Variants in SULF2 observed in about 807,000 individuals in gnomAD.
SULF2 encodes extracellular sulfatase Sulf-2.
A neutral mutation model predicts 107.7 loss-of-function variants in SULF2; 52 were observed. The ratio of observed to expected loss-of-function variants is 0.48; its 90% confidence interval spans 0.39 to 0.61. SULF2 has a LOEUF of 0.61. Ranked by LOEUF, SULF2 falls within the 20% of genes least tolerant of loss-of-function variation. The probability of loss-of-function intolerance (pLI) is 0.00; values close to 1 mark genes in which losing one functional copy is unlikely to be tolerated. For missense variants in SULF2, 993 were observed against 1,177.3 expected (o/e 0.84, Z 2.29); for synonymous variants, 460 against 464.3 (o/e 0.99, Z 0.12).
chr20:47,741,892 A>G (rs2089891781), intron 2 of SULF2, among the ~76,000 whole-genome samples: 2 of 152,248 alleles, frequency 1.3e-5, no homozygotes, highest in African/African-American at 4.8e-5. Flanking sequence ...AACAGTGAAC[A>G]GCCTCCAGAA....
intron 20 of SULF2, 40 bp from the exon 21 acceptor site, chr20:47,658,432 A>G (rs1034436374): frequency 4.4e-6 from 7 of 1,608,108 alleles, no homozygotes; most frequent in Non-Finnish European, 5.1e-6. Context: ...CTTAGCTATC[A>G]TGGTCTTTAT....
chr20:47,773,222 T>A (rs1405115356), intron 1 of SULF2, among the ~76,000 whole-genome samples: 1 of 152,178 alleles, frequency 6.6e-6, no homozygotes, highest in Non-Finnish European at 1.5e-5. Context: ...TCTGTCCTCA[T>A]GGAGCTGTGA....
chr20:47,717,536 A>G (rs1211317290), intron 3 of SULF2, among the ~76,000 whole-genome samples: 1 of 152,306 alleles, frequency 6.6e-6, no homozygotes, highest in African/African-American at 2.4e-5. Context: ...GACACACACA[A>G]ATGGGACTCA....
chr20:47,683,268 T>G, intron 6 of SULF2, 99 bp from the exon 7 acceptor site: 1 of 1,236,706 alleles, frequency 8.1e-7, no homozygotes, highest in East Asian at 2.5e-5. Flanking sequence ...GCCCCGTCCC[T>G]CCCCTGCTTC....
Position 47,683,052 on chromosome 20 carries a change from CAT to C in SULF2, c.1004_1005del (p.Tyr335Ter). The C allele has an allele frequency of 6.2e-7, 1 of 1,613,660 alleles. No individual in the cohort carries two copies. The highest frequency in any genetic ancestry group is 8.5e-7 in the Non-Finnish European group (1 of 1,179,918). ...TAGAACGGGACCCTGATGTCAAACT[CAT>C]ATGGCATGGATTTCCCTTTCACCAG... ...FGLVKGKSMP[Y>X]EFDIRVPFYV... On this transcript the variant is annotated frameshift_variant, in exon 7 of 21. Transcript: ENST00000688720. LOFTEE classifies it high-confidence loss of function.
chr20:47,757,415 T>A lies in SULF2; in HGVS notation c.-52A>T. 1 of 1,514,004 alleles carries A rather than the reference T, an allele frequency of 6.6e-7. No homozygotes were observed. The highest frequency in any genetic ancestry group is 8.9e-7 in the Non-Finnish European group (1 of 1,122,452). The allele number at this position is 1,514,004 out of a possible 1,614,324, so 93.8% of individuals were successfully genotyped here. On this transcript the variant is annotated 5_prime_UTR_variant, in exon 2 of 21. Transcript: ENST00000688720. ...CTTTTGGGATGCGGGAGTCTCAAGT[T>A]GCGTCTGTGGCTTTGTTTCTTTTCC...
At position 47,666,241 on chromosome 20, in the gene SULF2, C is replaced by G. The variant is rs1012207273; in HGVS notation, c.1805+19G>C. 4.3e-6 allele frequency: 7 copies of G among 1,613,132 alleles called. No homozygotes were observed. Among genetic ancestry groups the G allele is most frequent in the South Asian group, 2.2e-5 (2 of 91,038 alleles). On this transcript the variant is annotated intron_variant, in intron 12 of 20. Transcript: ENST00000688720. This position sits in a 1 kb window ranked among gnomAD's most constrained non-coding sequence, Gnocchi z 5.4. ...TCTGTCCTGTCCCCTTCACCCTCGA[C>G]TTCCACCTGGACACTCACCGATGTG...
intron 1 of SULF2, among the ~76,000 whole-genome samples, chr20:47,779,220 A>G (rs1172705317): frequency 6.6e-6 from 1 of 152,228 alleles, no homozygotes; most frequent in Non-Finnish European, 1.5e-5. Flanking sequence ...GTTAAGCAGC[A>G]TCCCTGGCCT....
At chr20:47,751,696 CAT>C (rs892732825) in intron 2 of SULF2, among the ~76,000 whole-genome samples, 1 of 152,182 alleles carries the variant, frequency 6.6e-6, no homozygotes, top group African/African-American at 2.4e-5. Context: ...TGGACTTATT[CAT>C]ATGAGTCCAA....
rs1889173 is a variant in SULF2 at position 47,694,441 on chromosome 20, A to G, written c.568-4146T>C. Among the ~76,000 whole-genome samples, 128,687 of 152,114 alleles carry G rather than the reference A, an allele frequency of 0.85. 54,659 individuals carry two copies. Among genetic ancestry groups the G allele is most frequent in the East Asian group, 0.96 (4,945 of 5,174 alleles). On this transcript the variant is annotated intron_variant, in intron 4 of 20. Transcript: ENST00000688720. This position sits in a 1 kb window ranked among gnomAD's most constrained non-coding sequence, Gnocchi z 4.4. ...GTGCCCGGGTCAAGCCATGAGGAAGAACTCTGAAATTCAGACCTGTGAGCA... is the reference window on the plus strand; with the variant it reads ...GTGCCCGGGTCAAGCCATGAGGAAGGACTCTGAAATTCAGACCTGTGAGCA...
intron 1 of SULF2, among the ~76,000 whole-genome samples, chr20:47,769,359 A>ATTTTT (rs71183279): frequency 7.8e-6 from 1 of 128,574 alleles, no homozygotes; most frequent in Non-Finnish European, 1.7e-5. Context: ...TAATTTTTGT[A>ATTTTT]TTTTTTTTTT....
At chr20:47,765,410 T>C (rs2146946979) in intron 1 of SULF2, among the ~76,000 whole-genome samples, 1 of 147,842 alleles carries the variant, frequency 6.8e-6, no homozygotes, top group South Asian at 2.2e-4. Context: ...TGGTAATAAT[T>C]AGGCAGTTGA....
intron 3 of SULF2, among the ~76,000 whole-genome samples, chr20:47,710,369 G>A (rs914149575): frequency 4.0e-5 from 6 of 151,828 alleles, no homozygotes; most frequent in African/African-American, 1.2e-4. Context: ...ACATGTTCAC[G>A]TATGTTTAGA....
intron 3 of SULF2, among the ~76,000 whole-genome samples, chr20:47,711,152 C>G (rs2088913973): frequency 6.6e-6 from 1 of 152,240 alleles, no homozygotes; most frequent in African/African-American, 2.4e-5. Flanking sequence ...CTCCCTGCTG[C>G]AGACATGTCC....
intron 14 of SULF2, 88 bp from the exon 15 acceptor site, chr20:47,664,277 T>C: frequency 7.5e-7 from 1 of 1,335,200 alleles, no homozygotes; most frequent in Non-Finnish European, 1.0e-6. Context: ...GGGACTCCCA[T>C]GTGTTGCTGC....
At chr20:47,763,592 T>G (rs1008164371) in intron 1 of SULF2, among the ~76,000 whole-genome samples, 1 of 152,094 alleles carries the variant, frequency 6.6e-6, no homozygotes, top group Non-Finnish European at 1.5e-5. Flanking sequence ...GAAAGCAAAC[T>G]GTGGGTGTGC....
intron 1 of SULF2, among the ~76,000 whole-genome samples, chr20:47,762,385 CCA>C (rs762239238): frequency 3.9e-5 from 6 of 152,248 alleles, no homozygotes; most frequent in Non-Finnish European, 7.3e-5. Flanking sequence ...GCAGCACACT[CCA>C]GTCTCTGCTC....
At chr20:47,671,818 G>C (rs917797040) in intron 11 of SULF2, among the ~76,000 whole-genome samples, 3 of 152,076 alleles carry the variant, frequency 2.0e-5, no homozygotes, top group African/African-American at 7.2e-5. Context: ...GGGTTCAAGC[G>C]ATTCTCATGC....
chr20:47,741,224 G>T (rs771851484), intron 2 of SULF2, among the ~76,000 whole-genome samples: 4 of 151,954 alleles, frequency 2.6e-5, no homozygotes, highest in African/African-American at 4.8e-5. Context: ...AGTGTGGTGG[G>T]ACCCAATCCC....
Sources: allele counts gnomAD v4.1 joint callset (sites outside exome capture counted in the v4.1 genomes callset), GRCh38; gene constraint gnomAD v4.1.1; non-coding constraint Gnocchi (gnomAD v3.1); transcripts MANE v1.5; gene names NCBI Gene and HGNC (gene_info 2026-07-23, HGNC 2026-07-21).